NCL: variants seen among roughly 807,000 people sequenced by gnomAD.
The protein encoded by NCL is nucleolin multifunctional protein.
A neutral mutation model predicts 77.7 loss-of-function variants in NCL; 4 were observed. That is an observed-to-expected ratio of 0.05 (90% confidence interval 0.03 to 0.12). NCL has a LOEUF of 0.12. Among genes scored for constraint, NCL ranks in the 10% least tolerant of loss-of-function variants. The pLI is 1.00. For synonymous variants in NCL, 344 were observed against 297.8 expected, an observed-to-expected ratio of 1.16 and a Z score of -1.60; for missense variants, 763 against 860.9, an observed-to-expected ratio of 0.89 and a Z score of 1.42.
rs752740526 is a variant in NCL, at chr2:231,461,933, C to G, written c.220G>C (p.Val74Leu). Residue 74 changes from valine (V) to leucine (L), a missense_variant, in exon 3 of 14, where the codon GTT (valine) becomes CTT (leucine). Val to Leu is a conservative substitution (Grantham distance 32, BLOSUM62 1). This residue lies in a region of NCL where 590 missense variants were observed against 570.5 expected (regional missense o/e 1.03). Transcript: ENST00000322723. ...VVVSPTKKVA[V>L]ATPAKKAAVT... Reference sequence around the variant, plus strand: ...GCTGCTTTCTTGGCTGGTGTGGCAACTGCAACCTTTTTTGTTGGGGAAACG... The same window carrying G: ...GCTGCTTTCTTGGCTGGTGTGGCAAGTGCAACCTTTTTTGTTGGGGAAACG... The G allele has an allele frequency of 6.2e-7, 1 of 1,614,214 alleles. No homozygotes were observed. Among genetic ancestry groups the G allele is most frequent in the East Asian group, 2.2e-5 (1 of 44,886 alleles).
intron 1 of NCL, chr2:231,464,074 C>G: frequency 5.3e-6 from 7 of 1,332,160 alleles, no homozygotes; most frequent in Non-Finnish European, 6.8e-6. Context: ...CTCTCCACCC[C>G]GAGGCCCAGC....
At chr2:231,456,852 G>A (rs2046893874) in intron 10 of NCL, 88 bp from the exon 11 acceptor site, 1 of 1,569,344 alleles carries the variant, frequency 6.4e-7, no homozygotes, top group Non-Finnish European at 8.6e-7. Flanking sequence ...CTTCTCTCAA[G>A]TTGGTACCTA....
chr2:231,456,149 A>G lies in NCL; in HGVS notation c.1706-13T>C, dbSNP rs745852480. On this transcript the variant is annotated splice_polypyrimidine_tract_variant and intron_variant, in intron 11 of 13. Transcript: ENST00000322723. ...GTTTTGGATGGCTCTGGGAAGGAAA[A>G]AAAAATGTGACTTTATGTGAAGTCA... 1 of 1,613,410 alleles carries G rather than the reference A, an allele frequency of 6.2e-7. No individual in the cohort carries two copies. The highest frequency in any genetic ancestry group is 8.5e-7 in the Non-Finnish European group (1 of 1,179,826).
chr2:231,462,172 T>C (rs2046959272), intron 2 of NCL, 155 bp from the exon 3 acceptor site: 2 of 1,017,566 alleles, frequency 2.0e-6, no homozygotes, highest in Admixed American at 1.8e-5. Flanking sequence ...TTCTGTTATG[T>C]TGTCTTAAGT....
In NCL at chr2:231,460,582, C is replaced by T. The variant is rs752206831; in HGVS notation, c.812-18G>A. ...GACAGGCTCTGGACAAGATGTCAAA[C>T]AATGTATCACACATCAGTAGCCACA... On this transcript the variant is annotated intron_variant, in intron 4 of 13. Coordinates refer to ENST00000322723, the MANE Select transcript of NCL (RefSeq NM_005381.3). 4 of 1,614,192 alleles carry T rather than the reference C, an allele frequency of 2.5e-6. No individual in the cohort carries two copies. Among genetic ancestry groups the T allele is most frequent in the Non-Finnish European group, 3.4e-6 (4 of 1,180,032 alleles).
In NCL at chr2:231,456,943, C is replaced by T. The variant is rs1456447638; in HGVS notation, c.1571+58G>A. On this transcript the variant is annotated intron_variant, in intron 10 of 13. Coordinates refer to ENST00000322723, the MANE Select transcript of NCL (RefSeq NM_005381.3). ...GACAGGATCACATGACCTTACGTTC[C>T]TTTAGACCTCTAAGACATATATAGC... The T allele has an allele frequency of 1.9e-6, 3 of 1,593,082 alleles. No individual in the cohort carries two copies. In the African/African-American group the frequency reaches 4.1e-5, roughly 22 times the overall value.
In NCL at chr2:231,456,723, T is replaced by G. The variant is rs780052853; in HGVS notation, c.1613A>C (p.Glu538Ala). 3.0e-5 allele frequency: 49 copies of G among 1,614,072 alleles called. No individual in the cohort carries two copies. The highest frequency in any genetic ancestry group is 1.0e-4 in the Admixed American group (6 of 59,992). Residue 538 changes from glutamate to alanine, a missense_variant, in exon 11 of 14, where the codon GAA becomes GCA. Coordinates refer to ENST00000322723, the MANE Select transcript of NCL (RefSeq NM_005381.3). ...IEFASFEDAK[E>A]ALNSCNKREI... ...CCTTTTATTACAGGAATTTAAAGCT[T>G]CTTTAGCGTCTTCGAATGAAGCAAA... is the stretch of plus-strand genomic sequence containing the variant.
chr2:231,464,363 G>C lies in NCL; in HGVS notation c.-10C>G, dbSNP rs2046980618. ...TCGCGAGCTTCACCATGATGGCGGC[G>C]GAGTGTGAAGCGGACAAGTGGCGCA... On this transcript the variant is annotated 5_prime_UTR_variant, in exon 1 of 14. Coordinates refer to ENST00000322723, the MANE Select transcript of NCL (RefSeq NM_005381.3). 1.2e-6 allele frequency: 2 copies of C among 1,601,334 alleles called. No individual in the cohort carries two copies. Among genetic ancestry groups the C allele is most frequent in the East Asian group, 4.5e-5 (2 of 44,254 alleles).
intron 11 of NCL, 136 bp from the exon 12 acceptor site, chr2:231,456,272 G>C (rs941099221): frequency 2.7e-6 from 3 of 1,113,882 alleles, no homozygotes; most frequent in Non-Finnish European, 3.9e-6. Flanking sequence ...AAGCCAACTA[G>C]TCCTTAATTA....
Position 231,464,468 on chromosome 2 carries a change from A to G in NCL, c.-115T>C. 4 of 1,418,048 alleles carry G rather than the reference A, an allele frequency of 2.8e-6. No individual in the cohort carries two copies. The highest frequency in any genetic ancestry group is 5.0e-5 in the East Asian group (2 of 39,896). The allele number at this position is 1,418,048 out of a possible 1,614,324, so 87.8% of individuals were successfully genotyped here. A position where few individuals can be genotyped will look rare whatever the true frequency, so the allele number is the denominator to read the frequency against. ...CCCGGAGCACGTACACCCGAAGGCC[A>G]GCGAGAGCTCGAGACTGAGGCGAAA... On this transcript the variant is annotated 5_prime_UTR_variant, in exon 1 of 14. Transcript: ENST00000322723.
intron 2 of NCL, chr2:231,462,610 TG>T: frequency 2.0e-6 from 1 of 504,062 alleles, no homozygotes; most frequent in South Asian, 1.4e-5. Flanking sequence ...AGGCAATGTG[TG>T]GAAGAGTAAA....
At chr2:231,458,244 C>T in intron 8 of NCL, 22 bp downstream of exon 8, 2 of 1,597,922 alleles carry the variant, frequency 1.3e-6, no homozygotes, top group South Asian at 2.3e-5. Flanking sequence ...AAAACCCTTA[C>T]ATTTCAATAG....
intron 4 of NCL, 39 bp downstream of exon 4, chr2:231,460,630 A>G: frequency 1.9e-6 from 3 of 1,614,048 alleles, no homozygotes; most frequent in Non-Finnish European, 2.5e-6. Context: ...CCTCCTTTAA[A>G]CATAACTCAT....
chr2:231,453,734 G>A lies in NCL; in HGVS notation c.*1457C>T, dbSNP rs955731245. On this transcript the variant is annotated 3_prime_UTR_variant, in exon 14 of 14. Transcript: ENST00000322723. ...ACCCCCATCCCCTGGACATGGAACA[G>A]GGCTGACAAGCAGTAGGTGATAAGC... 1 of 152,670 alleles carries A rather than the reference G, an allele frequency of 6.6e-6. No individual in the cohort carries two copies. Among genetic ancestry groups the A allele is most frequent in the Admixed American group, 6.5e-5 (1 of 15,350 alleles). The allele number at this position is 152,670 out of a possible 1,614,324, so 9.5% of individuals were successfully genotyped here. A position where few individuals can be genotyped will look rare whatever the true frequency, so the allele number is the denominator to read the frequency against.
At chr2:231,456,193 T>C in intron 11 of NCL, 57 bp from the exon 12 acceptor site, 1 of 1,605,588 alleles carries the variant, frequency 6.2e-7, no homozygotes, top group South Asian at 1.1e-5. Context: ...AACACTGAAT[T>C]TGCACAATGC....
At chr2:231,458,500 A>G in intron 7 of NCL, 111 bp from the exon 8 acceptor site, 1 of 1,344,474 alleles carries the variant, frequency 7.4e-7, no homozygotes, top group South Asian at 1.4e-5. Flanking sequence ...ATAATTTGAG[A>G]TCCTATAATG....
intron 1 of NCL, chr2:231,463,962 C>T: frequency 2.9e-6 from 1 of 346,094 alleles, no homozygotes; most frequent in South Asian, 4.8e-5. Context: ...TCTGGAGATT[C>T]CAGGACCCAC....
At position 231,458,332 on chromosome 2, in the gene NCL, T is replaced by C. The variant is rs779768501; in HGVS notation, c.1223A>G (p.Glu408Gly). 2.5e-6 allele frequency: 4 copies of C among 1,614,124 alleles called. No individual in the cohort carries two copies. In the Admixed American group the frequency reaches 6.7e-5, roughly 27 times the overall value. Residue 408 changes from glutamate (E) to glycine (G), a missense_variant, in exon 8 of 14, where the codon GAA (glutamate) becomes GGA (glycine). Coordinates refer to ENST00000322723, the MANE Select transcript of NCL (RefSeq NM_005381.3). ...KNLPYKVTQDELKEVFEDAAE... is the reference protein window; with the variant it reads ...KNLPYKVTQDGLKEVFEDAAE... ...AGCATCTTCAAACACTTCTTTCAAT[T>C]CATCCTGAGTGACTTTGTAAGGGAG...
rs139890899 is a variant in NCL at position 231,462,183 on chromosome 2, C to A, written c.136-166G>T. 964 of 928,152 alleles carry A rather than the reference C, an allele frequency of 1.0e-3. 6 individuals carry two copies. In the Middle Eastern group the frequency reaches 0.028, roughly 27 times the overall value. The allele number at this position is 928,152 out of a possible 1,614,324, so 57.5% of individuals were successfully genotyped here. A position where few individuals can be genotyped will look rare whatever the true frequency, so the allele number is the denominator to read the frequency against. ...AGGCTTCTGTTATGTTGTCTTAAGT[C>A]AGAGCCCCTATCATAAGGTGAATAC... On this transcript the variant is annotated intron_variant, in intron 2 of 13. Transcript: ENST00000322723.
Sources: gnomAD v4.1 joint callset for allele counts on GRCh38, gnomAD v4.1.1 for gene constraint, gnomAD v4.1.1 regional missense constraint, MANE v1.5 for transcripts, NCBI Gene and HGNC (gene_info 2026-07-23, HGNC 2026-07-21) for gene names.